Variants in DTNA observed in about 807,000 individuals in gnomAD.
The protein encoded by DTNA is dystrophin-related protein 3.
A neutral mutation model predicts 100.7 loss-of-function variants in DTNA; 43 were observed. The observed-to-expected ratio is 0.43, with a 90% CI of 0.33 to 0.55. DTNA has a LOEUF of 0.55. DTNA is among the 20% of genes least tolerant of loss of function. DTNA has a pLI of 0.04. For missense variants in DTNA, 798 were observed against 953.9 expected (o/e 0.84, Z 2.15); for synonymous variants, 349 against 347.9 (o/e 1.00, Z -0.04).
chr18:34,870,492 G>A (rs1456238242), intron 17 of DTNA, among the ~76,000 whole-genome samples: 1 of 152,096 alleles, frequency 6.6e-6, no homozygotes, highest in Non-Finnish European at 1.5e-5. Context: ...ATATAAAGAT[G>A]ATCGTCTAGT....
At position 34,863,945 on chromosome 18, in the gene DTNA, TGTC is replaced by T; in HGVS notation, c.1647-20_1647-18del. Reference sequence around the variant, plus strand: ...TCAGAGAGTTGCATGCCGCTTCTGATGTCAGCTGCTTCTTTCTTAGACAGCGCA... The same window carrying T: ...TCAGAGAGTTGCATGCCGCTTCTGATAGCTGCTTCTTTCTTAGACAGCGCA... On this transcript the variant is annotated intron_variant, in intron 16 of 22. Coordinates refer to ENST00000444659, the MANE Select transcript of DTNA (RefSeq NM_001386795.1). 1 of 1,598,388 alleles carries T rather than the reference TGTC, an allele frequency of 6.3e-7. No homozygotes were observed.
chr18:34,660,126 A>T (rs2074979610), intron 1 of DTNA, among the ~76,000 whole-genome samples: 1 of 152,170 alleles, frequency 6.6e-6, no homozygotes, highest in South Asian at 2.1e-4. Flanking sequence ...ACAGGCATAT[A>T]ATACTTGGGG....
At chr18:34,603,220 A>C (rs1006371475) in intron 1 of DTNA, among the ~76,000 whole-genome samples, 2 of 151,626 alleles carry the variant, frequency 1.3e-5, no homozygotes, top group Non-Finnish European at 1.5e-5. Flanking sequence ...CTAAAAGAAA[A>C]GGAAAGGAAA....
intron 1 of DTNA, among the ~76,000 whole-genome samples, chr18:34,550,629 A>G (rs767225334): frequency 6.6e-5 from 10 of 152,184 alleles, no homozygotes; most frequent in Non-Finnish European, 1.0e-4. Context: ...TGCATTGTCA[A>G]AAGAACAATA....
chr18:34,513,669 T>C (rs192136696), intron 1 of DTNA: 1 of 152,210 alleles, frequency 6.6e-6, no homozygotes, highest in East Asian at 1.9e-4. Context: ...TCAGGGAGCT[T>C]ACATTCTACT....
intron 1 of DTNA, among the ~76,000 whole-genome samples, chr18:34,752,561 G>A (rs958027007): frequency 6.6e-6 from 1 of 152,114 alleles, no homozygotes; most frequent in African/African-American, 2.4e-5. Flanking sequence ...TTATGACTAC[G>A]ATCAATGAGT....
At chr18:34,568,799 T>C in intron 1 of DTNA, among the ~76,000 whole-genome samples, 1 of 152,098 alleles carries the variant, frequency 6.6e-6, no homozygotes. Context: ...AATTTTTGTA[T>C]TTATAGTAGA....
At chr18:34,838,234 T>A (rs949560131) in intron 12 of DTNA, 63 bp downstream of exon 12, 2 of 1,563,996 alleles carry the variant, frequency 1.3e-6, no homozygotes, top group African/African-American at 2.7e-5. Flanking sequence ...GAGATTTCTT[T>A]TGTCAAAAAT....
intron 3 of DTNA, among the ~76,000 whole-genome samples, chr18:34,784,933 T>C (rs1485348613): frequency 2.0e-5 from 3 of 151,690 alleles, no homozygotes; most frequent in African/African-American, 4.8e-5. Flanking sequence ...CACTGAAATA[T>C]TCTTTTTTTT....
intron 3 of DTNA, among the ~76,000 whole-genome samples, chr18:34,788,573 A>G (rs545363869): frequency 1.3e-5 from 2 of 152,344 alleles, no homozygotes; most frequent in African/African-American, 2.4e-5. Context: ...CACCTTCTGC[A>G]CTATGCTTAC....
intron 1 of DTNA, among the ~76,000 whole-genome samples, chr18:34,753,407 G>T (rs1450453865): frequency 8.4e-6 from 1 of 119,208 alleles, no homozygotes; most frequent in Non-Finnish European, 1.6e-5. Flanking sequence ...TTTTGAGACG[G>T]AGTCTCGCTC....
intron 1 of DTNA, among the ~76,000 whole-genome samples, chr18:34,505,724 T>A (rs896708265): frequency 2.0e-5 from 3 of 152,224 alleles, no homozygotes; most frequent in African/African-American, 7.2e-5. Flanking sequence ...TTTTATATTT[T>A]TTTATTTATT....
At chr18:34,548,713 A>G (rs1201157302) in intron 1 of DTNA, among the ~76,000 whole-genome samples, 2 of 152,052 alleles carry the variant, frequency 1.3e-5, no homozygotes, top group Non-Finnish European at 2.9e-5. Context: ...ATCTGCCTCT[A>G]CCTCTTGGTT....
intron 1 of DTNA, among the ~76,000 whole-genome samples, chr18:34,565,106 A>G (rs946639802): frequency 3.9e-5 from 6 of 152,230 alleles, no homozygotes; most frequent in African/African-American, 1.2e-4. Context: ...AAGTCATACA[A>G]ATGAAAAGAA....
At position 34,838,771 on chromosome 18, in the gene DTNA, A is replaced by T; in HGVS notation, c.1280A>T (p.Asp427Val). The change falls in exon 13 of 23, where the codon GAC becomes GTC. Residue 427 changes from aspartate (D) to valine (V), a missense_variant. Physicochemically the swap from Asp to Val is radical, Grantham distance 152. Around this residue, in one of 6 missense-constraint regions of DTNA, gnomAD observed 159 missense variants for 201.2 expected, o/e 0.79. Transcript: ENST00000444659. ...KGIQYSLNVA[D>V]RLADEHVLIG... Reference sequence around the variant, plus strand: ...ATACAGTACAGCCTGAATGTGGCAGACAGGCTAGCTGATGAACATGTTCTC... The same window carrying T: ...ATACAGTACAGCCTGAATGTGGCAGTCAGGCTAGCTGATGAACATGTTCTC... 6.2e-7 allele frequency: 1 copy of T among 1,613,746 alleles called. No individual in the cohort carries two copies. The highest frequency in any genetic ancestry group is 8.5e-7 in the Non-Finnish European group (1 of 1,179,762).
At chr18:34,551,858 A>G (rs940212161) in intron 1 of DTNA, among the ~76,000 whole-genome samples, 1 of 152,172 alleles carries the variant, frequency 6.6e-6, no homozygotes, top group Non-Finnish European at 1.5e-5. Context: ...TGTGACGCAT[A>G]AGACCCAAAT....
intron 1 of DTNA, among the ~76,000 whole-genome samples, chr18:34,563,658 T>G (rs1164798894): frequency 1.3e-5 from 2 of 152,210 alleles, no homozygotes; most frequent in East Asian, 3.8e-4. Context: ...CACATTTGTT[T>G]GTTGGTTTTA....
chr18:34,671,495 T>G (rs1457609996), intron 1 of DTNA, among the ~76,000 whole-genome samples: 2 of 152,208 alleles, frequency 1.3e-5, no homozygotes, highest in East Asian at 3.9e-4. Flanking sequence ...CGCTGGGAGC[T>G]GTAGACTGGA....
intron 1 of DTNA, among the ~76,000 whole-genome samples, chr18:34,754,643 T>A (rs8091502): frequency 6.6e-6 from 1 of 152,184 alleles, no homozygotes; most frequent in Admixed American, 6.5e-5. Flanking sequence ...TTTTTAATTG[T>A]CAGATAATTA....
Sources: gnomAD v4.1 joint callset for allele counts (sites outside exome capture counted in the v4.1 genomes callset) on GRCh38, gnomAD v4.1.1 for gene constraint, gnomAD v4.1.1 regional missense constraint, MANE v1.5 for transcripts, NCBI Gene and HGNC (gene_info 2026-07-23, HGNC 2026-07-21) for gene names.